Variants in RALYL observed in about 807,000 individuals in gnomAD.
RALYL encodes RALY RNA binding protein like, also known as RNA-binding Raly-like protein.
A neutral mutation model predicts 35.1 loss-of-function variants in RALYL; 29 were observed. The ratio of observed to expected loss-of-function variants is 0.83; its 90% CI spans 0.61 to 1.13. The LOEUF (loss-of-function observed/expected upper bound fraction) is 1.13, where lower values mean the gene tolerates loss of function less well. RALYL is among the 50% of genes most tolerant of loss of function. RALYL has a pLI of 0.00. For synonymous variants in RALYL, 120 were observed against 127.6 expected (o/e 0.94, Z 0.40); for missense variants, 359 against 360.4 (o/e 1.00, Z 0.03).
At chr8:84,442,850 G>A (rs1362121280) in intron 1 of RALYL, among the ~76,000 whole-genome samples, 1 of 152,112 alleles carries the variant, frequency 6.6e-6, no homozygotes, top group Non-Finnish European at 1.5e-5. Context: ...AGCATCTTCT[G>A]TTGGTCAAGG....
At chr8:84,256,323 CA>C (rs1332389093) in intron 1 of RALYL, among the ~76,000 whole-genome samples, 3 of 151,492 alleles carry the variant, frequency 2.0e-5, no homozygotes, top group African/African-American at 7.3e-5. Flanking sequence ...ACTTTCTGAA[CA>C]ACATTTTTAA....
intron 1 of RALYL, among the ~76,000 whole-genome samples, chr8:84,389,741 G>T (rs1056635548): frequency 1.3e-5 from 2 of 149,560 alleles, no homozygotes; most frequent in Admixed American, 6.6e-5. Flanking sequence ...AGGAGATTTT[G>T]GGCTGAGACA....
intron 2 of RALYL, among the ~76,000 whole-genome samples, chr8:84,645,484 A>G (rs1827294756): frequency 6.6e-6 from 1 of 151,984 alleles, no homozygotes; most frequent in Non-Finnish European, 1.5e-5. Flanking sequence ...GACATGGACA[A>G]TAGTTAATGA....
intron 2 of RALYL, among the ~76,000 whole-genome samples, chr8:84,622,908 G>C (rs1478591190): frequency 6.6e-6 from 1 of 152,152 alleles, no homozygotes; most frequent in Non-Finnish European, 1.5e-5. Context: ...TATTATTAGA[G>C]GATGTGAAGT....
intron 2 of RALYL, among the ~76,000 whole-genome samples, chr8:84,688,144 C>T (rs1450050761): frequency 2.6e-5 from 4 of 151,088 alleles, no homozygotes; most frequent in South Asian, 2.1e-4. Context: ...AGCTTAGGAA[C>T]GCATATTTGT....
At chr8:84,535,592 C>A (rs551969402) in intron 2 of RALYL, among the ~76,000 whole-genome samples, 2 of 88,818 alleles carry the variant, frequency 2.3e-5, no homozygotes, top group Non-Finnish European at 5.2e-5. Context: ...CCTGCCACCA[C>A]GCCCGGCTAA....
intron 1 of RALYL, among the ~76,000 whole-genome samples, chr8:84,219,432 T>A (rs895190978): frequency 1.3e-5 from 2 of 152,068 alleles, no homozygotes; most frequent in Non-Finnish European, 2.9e-5. Flanking sequence ...TTTCCATTTA[T>A]AAGTTACCCA....
At chr8:84,384,520 T>C (rs1349978301) in intron 1 of RALYL, among the ~76,000 whole-genome samples, 2 of 151,794 alleles carry the variant, frequency 1.3e-5, no homozygotes, top group South Asian at 2.1e-4. Flanking sequence ...TAAAGAATAA[T>C]ACACATTTCA....
At chr8:84,913,828 T>C (rs764263810) in intron 8 of RALYL, among the ~76,000 whole-genome samples, 11 of 151,910 alleles carry the variant, frequency 7.2e-5, no homozygotes, top group Non-Finnish European at 1.5e-4. Context: ...AATATACTGA[T>C]TTAAAAAAAA....
In RALYL at chr8:84,212,683, A is replaced by C. The variant is rs141781923; in HGVS notation, c.-24+28259A>C. 3.0e-3 allele frequency among the ~76,000 whole-genome samples: 464 copies of C among 152,296 alleles called. 2 individuals are homozygous for C. The highest frequency in any genetic ancestry group is 0.029 in the East Asian group (152 of 5,168). ...GTAAAGCAAATGTGAGCAATGTATA[A>C]ATAGAAATCTTTCCATTGAAAAACA... On this transcript the variant is annotated intron_variant, in intron 1 of 8. Coordinates refer to ENST00000521268, the MANE Select transcript of RALYL (RefSeq NM_173848.7).
chr8:84,467,039 C>G (rs1345297952), intron 1 of RALYL, among the ~76,000 whole-genome samples: 3 of 151,832 alleles, frequency 2.0e-5, no homozygotes, highest in African/African-American at 4.8e-5. Context: ...CTCTTTTTTT[C>G]TTTGTTAGTC....
At chr8:84,300,572 A>G (rs373159502) in intron 1 of RALYL, among the ~76,000 whole-genome samples, 3 of 152,140 alleles carry the variant, frequency 2.0e-5, no homozygotes, top group East Asian at 1.9e-4. Context: ...GGGGTTATCT[A>G]TGTCTCTTTG....
At chr8:84,197,750 G>A (rs1470294664) in intron 1 of RALYL, among the ~76,000 whole-genome samples, 7 of 146,178 alleles carry the variant, frequency 4.8e-5, no homozygotes, top group Admixed American at 1.4e-4. Context: ...GCAATATAGC[G>A]AGACCCCATT....
chr8:84,412,252 G>C (rs1182896000), intron 1 of RALYL, among the ~76,000 whole-genome samples: 1 of 151,920 alleles, frequency 6.6e-6, no homozygotes, highest in Non-Finnish European at 1.5e-5. Context: ...CAGGTTATCA[G>C]AGGGGATGTT....
rs2046108565 is a variant in RALYL at position 84,424,577 on chromosome 8, G to T, written c.-23-104722G>T. ...TCAAAGTCATTCTCCATCCAGCTTT[G>T]TTCTGTTGCTGGTGAGGAACTGCGT... On this transcript the variant is annotated intron_variant, in intron 1 of 8. Transcript: ENST00000521268. 2.0e-5 allele frequency among the ~76,000 whole-genome samples: 3 copies of T among 151,484 alleles called. No homozygotes were observed. In the South Asian group the frequency reaches 6.2e-4, roughly 32 times the overall value.
At chr8:84,463,888 C>T (rs569388849) in intron 1 of RALYL, among the ~76,000 whole-genome samples, 1 of 151,990 alleles carries the variant, frequency 6.6e-6, no homozygotes, top group South Asian at 2.1e-4. Context: ...TATATTTCCA[C>T]TTGTCTCTTT....
chr8:84,468,350 A>T (rs903410792), intron 1 of RALYL, among the ~76,000 whole-genome samples: 10 of 150,478 alleles, frequency 6.6e-5, no homozygotes, highest in Non-Finnish European at 1.3e-4. Flanking sequence ...TGGTGACAAA[A>T]TCTCTCAGCA....
intron 5 of RALYL, among the ~76,000 whole-genome samples, chr8:84,852,005 A>G (rs1427648666): frequency 6.6e-6 from 1 of 152,202 alleles, no homozygotes; most frequent in Non-Finnish European, 1.5e-5. Context: ...CACATAGTGG[A>G]TACTCTGTAT....
At chr8:84,637,599 A>G (rs115702128) in intron 2 of RALYL, among the ~76,000 whole-genome samples, 339 of 151,968 alleles carry the variant, frequency 2.2e-3, no homozygotes, top group African/African-American at 8.0e-3. Context: ...TTTAGGCTGG[A>G]GAGAGGGGCT....
Sources: allele counts gnomAD v4.1 joint callset (sites outside exome capture counted in the v4.1 genomes callset), GRCh38; gene constraint gnomAD v4.1.1; transcripts MANE v1.5; gene names NCBI Gene and HGNC (gene_info 2026-07-23, HGNC 2026-07-21).